Variants in GFPT1 observed in about 807,000 individuals in gnomAD.
GFPT1 encodes glutamine--fructose-6-phosphate aminotransferase [isomerizing] 1.
Under a neutral mutation model 92.0 loss-of-function variants are expected in GFPT1, and 40 were observed. The observed-to-expected ratio is 0.43, with a 90% confidence interval of 0.34 to 0.57. The LOEUF (loss-of-function observed/expected upper bound fraction) is 0.57. Ranked by LOEUF, GFPT1 falls within the 20% of genes least tolerant of loss-of-function variation. The pLI is 0.02. For missense variants in GFPT1, 448 were observed against 869.1 expected (o/e 0.52, Z 6.09); for synonymous variants, 269 against 280.6 (o/e 0.96, Z 0.41).
At chr2:69,353,731 GTAAA>G (rs1456215184) in intron 9 of GFPT1, among the ~76,000 whole-genome samples, 5 of 151,982 alleles carry the variant, frequency 3.3e-5, no homozygotes, top group Admixed American at 1.3e-4. Context: ...TTACATCGAA[GTAAA>G]TAAATAAGAA....
At chr2:69,328,132 T>G in intron 18 of GFPT1, 139 bp downstream of exon 18, 1 of 701,042 alleles carries the variant, frequency 1.4e-6, no homozygotes, top group South Asian at 1.5e-5. Flanking sequence ...AGTATCTGAT[T>G]CCTCACATGT....
intron 1 of GFPT1, among the ~76,000 whole-genome samples, chr2:69,384,358 G>GAATCT (rs1309721402): frequency 2.0e-5 from 3 of 152,136 alleles, no homozygotes; most frequent in African/African-American, 7.2e-5. Context: ...AAGCACATCA[G>GAATCT]AATCTTCAAT....
At chr2:69,344,544 T>C (rs560730851) in intron 12 of GFPT1, among the ~76,000 whole-genome samples, 105 of 152,262 alleles carry the variant, frequency 6.9e-4, no homozygotes, top group African/African-American at 2.4e-3. Context: ...AATGTGACCT[T>C]TGACAAACTG....
intron 4 of GFPT1, among the ~76,000 whole-genome samples, chr2:69,360,442 A>ATT (rs199904047): frequency 0.43 from 62,067 of 144,106 alleles, 13,663 homozygotes; most frequent in African/African-American, 0.5. Flanking sequence ...TTATCAAAAT[A>ATT]TTTTTTTTTT....
At chr2:69,354,652 T>C in intron 7 of GFPT1, 84 bp from the exon 8 acceptor site, 3 of 804,240 alleles carry the variant, frequency 3.7e-6, no homozygotes. Flanking sequence ...CCAATACTCT[T>C]CAAATGTTTA....
At chr2:69,367,090 A>C (rs1169767492) in intron 3 of GFPT1, among the ~76,000 whole-genome samples, 2 of 152,348 alleles carry the variant, frequency 1.3e-5, no homozygotes, top group South Asian at 2.1e-4. Context: ...AATGCAGTTG[A>C]TAACCTCCTT....
At position 69,387,111 on chromosome 2, in the gene GFPT1, C is replaced by A. The variant is rs1188327024; in HGVS notation, c.-40G>T. ...GGCCCGCGAGGCCAGGGGCGAGTGG[C>A]TGGCGGGATCGGGGGTGCACACACG... On this transcript the variant is annotated 5_prime_UTR_variant, in exon 1 of 20. Coordinates refer to ENST00000357308, the MANE Select transcript of GFPT1 (RefSeq NM_001244710.2). The A allele has an allele frequency of 6.5e-6, 10 of 1,528,108 alleles. No homozygotes were observed. The Middle Eastern group carries it at 5.2e-4, about 80-fold the overall frequency. The allele number at this position is 1,528,108 out of a possible 1,614,324, so 94.7% of individuals were successfully genotyped here.
intron 2 of GFPT1, among the ~76,000 whole-genome samples, chr2:69,372,380 G>T (rs1403773881): frequency 6.6e-6 from 1 of 151,992 alleles, no homozygotes; most frequent in East Asian, 1.9e-4. Flanking sequence ...GACCAGCCTA[G>T]GCAACATGGT....
intron 6 of GFPT1, 77 bp from the exon 7 acceptor site, chr2:69,356,634 G>A: frequency 9.4e-7 from 1 of 1,058,312 alleles, no homozygotes; most frequent in Non-Finnish European, 1.5e-6. Context: ...ACTGGCTTCA[G>A]CGCAGAAATT....
intron 9 of GFPT1, 73 bp from the exon 10 acceptor site, chr2:69,350,256 T>C: frequency 1.0e-6 from 1 of 969,650 alleles, no homozygotes; most frequent in Non-Finnish European, 1.6e-6. Context: ...TGCATAATAT[T>C]CTATAAAATC....
intron 12 of GFPT1, among the ~76,000 whole-genome samples, chr2:69,344,186 C>CAAAAAAAAAAAAAAAAA (rs10602884): frequency 1.2e-3 from 77 of 64,450 alleles, no homozygotes; most frequent in Non-Finnish European, 1.4e-3. Flanking sequence ...AAAAGCAAAG[C>CAAAAAAAAAAAAAAAAA]AAAAAAAAAA....
chr2:69,382,056 G>C (rs1672025600), intron 1 of GFPT1, among the ~76,000 whole-genome samples: 1 of 151,880 alleles, frequency 6.6e-6, no homozygotes, highest in African/African-American at 2.4e-5. Flanking sequence ...TAGAGATGGG[G>C]CTTCGCTATG....
intron 15 of GFPT1, among the ~76,000 whole-genome samples, chr2:69,335,705 T>C (rs114515268): frequency 0.012 from 1,796 of 152,260 alleles, 33 homozygotes; most frequent in African/African-American, 0.041. Context: ...TAAATTATAG[T>C]GTTAGCAATA....
At chr2:69,363,915 G>A (rs1045015677) in intron 3 of GFPT1, among the ~76,000 whole-genome samples, 11 of 152,136 alleles carry the variant, frequency 7.2e-5, no homozygotes, top group African/African-American at 2.4e-4. Flanking sequence ...AGGAGTTCAA[G>A]ACCAGTCTGG....
chr2:69,356,411 T>TA (rs1671339097), intron 7 of GFPT1, 85 bp downstream of exon 7: 1 of 933,592 alleles, frequency 1.1e-6, no homozygotes, highest in Non-Finnish European at 1.8e-6. Flanking sequence ...GCCTTTATAA[T>TA]AAAGGGTCAT....
At position 69,354,412 on chromosome 2, in the gene GFPT1, C is replaced by A; in HGVS notation, c.685+77G>T. 5 of 1,274,610 alleles carry A rather than the reference C, an allele frequency of 3.9e-6. No homozygotes were observed. In the South Asian group the frequency reaches 5.9e-5, roughly 15 times the overall value. The allele number at this position is 1,274,610 out of a possible 1,614,324, so 79.0% of individuals were successfully genotyped here. ...GAACTATATATACATGTGCATCTGACCAAAGAGCCATCTATTCCAACTTAA... is the reference window on the plus strand; with the variant it reads ...GAACTATATATACATGTGCATCTGAACAAAGAGCCATCTATTCCAACTTAA... On this transcript the variant is annotated intron_variant, in intron 8 of 19. Transcript: ENST00000357308.
rs535991881 is a variant in GFPT1, at chr2:69,355,544, T to C, written c.605+952A>G. Among the ~76,000 whole-genome samples the C allele has an allele frequency of 2.0e-5, 3 of 152,340 alleles. No individual in the cohort carries two copies. In the South Asian group the frequency reaches 6.2e-4, roughly 32 times the overall value. On this transcript the variant is annotated intron_variant, in intron 7 of 19. Transcript: ENST00000357308. ...TTGAGTAGTTGCTACAGAGGCTACA[T>C]GGTCCAGAAAGCCTAAAATAGTTAC...
At position 69,325,427 on chromosome 2, in the gene GFPT1, C is replaced by T. The variant is rs138617122; in HGVS notation, c.*762G>A. The T allele has an allele frequency of 2.0e-5, 3 of 152,028 alleles. No individual in the cohort carries two copies. Among genetic ancestry groups the T allele is most frequent in the Admixed American group, 2.0e-4 (3 of 15,256 alleles). The allele number at this position is 152,028 out of a possible 1,614,324, so 9.4% of individuals were successfully genotyped here. On this transcript the variant is annotated 3_prime_UTR_variant, in exon 20 of 20. Coordinates refer to ENST00000357308, the MANE Select transcript of GFPT1 (RefSeq NM_001244710.2). ...ATGAAAACACAAAGTAGTAGGATAC[C>T]CAACATGTACACATCCCATCTTCAA...
At chr2:69,342,316 G>GT (rs1670972288) in intron 12 of GFPT1, 67 bp from the exon 13 acceptor site, 1 of 931,222 alleles carries the variant, frequency 1.1e-6, no homozygotes, top group African/African-American at 1.6e-5. Flanking sequence ...ATCGCATTTT[G>GT]TGAGTATCCA....
Sources: allele counts gnomAD v4.1 joint callset (sites outside exome capture counted in the v4.1 genomes callset), GRCh38; gene constraint gnomAD v4.1.1; transcripts MANE v1.5; gene names NCBI Gene and HGNC (gene_info 2026-07-23, HGNC 2026-07-21).